GPC5: variants seen among roughly 807,000 people sequenced by gnomAD.
The protein encoded by GPC5 is glypican 5, also known as glypican-5.
In GPC5, 47 loss-of-function variants were observed where a neutral mutation model predicts 53.9. The observed-to-expected ratio is 0.87, with a 90% CI of 0.69 to 1.11. The LOEUF (loss-of-function observed/expected upper bound fraction) is 1.11, where lower values mean the gene tolerates loss of function less well. Ranked by LOEUF, GPC5 falls within the 50% of genes most tolerant of loss-of-function variation. The pLI, the probability that GPC5 is intolerant of heterozygous loss-of-function variation, is 0.00. For synonymous variants in GPC5, 286 were observed against 263.3 expected (o/e 1.09, Z -0.84); for missense variants, 748 against 713.1 (o/e 1.05, Z -0.56).
intron 2 of GPC5, among the ~76,000 whole-genome samples, chr13:91,478,610 AT>A (rs1216481417): frequency 6.6e-6 from 1 of 150,964 alleles, no homozygotes; most frequent in Non-Finnish European, 1.5e-5. Flanking sequence ...ATACAGATAT[AT>A]TTTTATTAAA....
intron 7 of GPC5, among the ~76,000 whole-genome samples, chr13:92,692,742 C>T (rs150412737): frequency 2.2e-3 from 241 of 107,222 alleles, no homozygotes; most frequent in African/African-American, 7.5e-3. Context: ...CAAAGCCTCA[C>T]CAATATCGGC....
At chr13:92,428,020 C>T (rs1288388080) in intron 7 of GPC5, among the ~76,000 whole-genome samples, 2 of 152,068 alleles carry the variant, frequency 1.3e-5, no homozygotes, top group Non-Finnish European at 2.9e-5. Context: ...TTTCCACTTG[C>T]ATGTTTTATT....
intron 7 of GPC5, among the ~76,000 whole-genome samples, chr13:92,406,491 G>T (rs1438417190): frequency 6.6e-6 from 1 of 152,126 alleles, no homozygotes; most frequent in Non-Finnish European, 1.5e-5. Context: ...CTGGGAAAAA[G>T]ACACCGAGTC....
chr13:92,557,387 C>T (rs947069367), intron 7 of GPC5, among the ~76,000 whole-genome samples: 5 of 151,990 alleles, frequency 3.3e-5, no homozygotes, highest in East Asian at 1.9e-4. Flanking sequence ...TAAGATCAAA[C>T]TTTGTATAAC....
intron 2 of GPC5, among the ~76,000 whole-genome samples, chr13:91,590,586 C>T (rs550308695): frequency 1.3e-5 from 2 of 152,228 alleles, no homozygotes; most frequent in East Asian, 1.9e-4. Flanking sequence ...TAATAGTCCT[C>T]TGAAGTAAAA....
chr13:92,808,159 C>A (rs1877168197), intron 7 of GPC5, among the ~76,000 whole-genome samples: 1 of 151,988 alleles, frequency 6.6e-6, no homozygotes, highest in South Asian at 2.1e-4. Context: ...CAAAACATTT[C>A]TAGACATGTG....
intron 6 of GPC5, among the ~76,000 whole-genome samples, chr13:91,971,057 G>T (rs1267028450): frequency 1.3e-5 from 2 of 152,148 alleles, no homozygotes; most frequent in Admixed American, 6.6e-5. Context: ...GCTCCTCCTT[G>T]TACCTCTGGT....
chr13:92,849,719 A>G (rs938697456), intron 7 of GPC5, among the ~76,000 whole-genome samples: 1 of 152,260 alleles, frequency 6.6e-6, no homozygotes, highest in Admixed American at 6.5e-5. Context: ...AGAAAAGTCT[A>G]AATGAAAGAA....
At chr13:92,200,425 A>G (rs1455023997) in intron 7 of GPC5, among the ~76,000 whole-genome samples, 4 of 152,204 alleles carry the variant, frequency 2.6e-5, no homozygotes, top group Non-Finnish European at 5.9e-5. Context: ...TTTTGGTGGT[A>G]AATGCAAGAC....
chr13:91,419,531 A>C lies in GPC5; in HGVS notation c.163+20322A>C, dbSNP rs1878460696. The stretch of plus-strand genomic sequence containing the variant: ...ATTATTAGAAAGAGAAAGGAACAAG[A>C]AAATTTTCATGGATTTTTCTAAAAT... On this transcript the variant is annotated intron_variant, in intron 1 of 7. Transcript: ENST00000377067. 2.0e-5 allele frequency among the ~76,000 whole-genome samples: 3 copies of C among 152,196 alleles called. No individual in the cohort carries two copies. The South Asian group carries it at 6.2e-4, about 32-fold the overall frequency.
intron 7 of GPC5, among the ~76,000 whole-genome samples, chr13:92,156,577 T>TA (rs946822682): frequency 1.3e-5 from 2 of 152,146 alleles, no homozygotes; most frequent in African/African-American, 4.8e-5. Context: ...TTGTTTTATT[T>TA]AATTGGCAAA....
At chr13:92,568,445 C>T (rs1229258874) in intron 7 of GPC5, among the ~76,000 whole-genome samples, 1 of 152,068 alleles carries the variant, frequency 6.6e-6, no homozygotes, top group East Asian at 1.9e-4. Context: ...TTTATTTATC[C>T]ACTGTCAGTA....
At chr13:92,659,183 C>T (rs905866786) in intron 7 of GPC5, 4 of 151,782 alleles carry the variant, frequency 2.6e-5, no homozygotes, top group Admixed American at 2.6e-4. Flanking sequence ...CCGCCTCGGC[C>T]TCCCAAAGTG....
chr13:91,811,229 C>G (rs916075116), intron 5 of GPC5, among the ~76,000 whole-genome samples: 2 of 151,884 alleles, frequency 1.3e-5, no homozygotes, highest in African/African-American at 4.8e-5. Flanking sequence ...TAGAATTTGA[C>G]CTAAAGACAT....
intron 7 of GPC5, among the ~76,000 whole-genome samples, chr13:92,786,146 C>CTT (rs1322741721): frequency 6.6e-6 from 1 of 152,048 alleles, no homozygotes; most frequent in African/African-American, 2.4e-5. Flanking sequence ...CACACAAAAT[C>CTT]TTTATATTGC....
chr13:92,487,544 T>C (rs1052725521), intron 7 of GPC5, among the ~76,000 whole-genome samples: 1 of 152,184 alleles, frequency 6.6e-6, no homozygotes, highest in Non-Finnish European at 1.5e-5. Flanking sequence ...CAAAGAAGCC[T>C]CAATATATTT....
intron 7 of GPC5, among the ~76,000 whole-genome samples, chr13:92,481,056 G>C (rs540783547): frequency 3.9e-5 from 6 of 152,160 alleles, no homozygotes; most frequent in Non-Finnish European, 5.9e-5. Flanking sequence ...TTCTACTTCA[G>C]GCTTCTGACC....
chr13:91,767,562 C>T lies in GPC5; in HGVS notation c.1280+11142C>T, dbSNP rs76012848. On this transcript the variant is annotated intron_variant, in intron 5 of 7. Transcript: ENST00000377067. ...GGGTGACACGGCAATTTCAACGCTG[C>T]TACAATTCTAGTCATCTCCCTTTAT... Among the ~76,000 whole-genome samples the T allele has an allele frequency of 2.2e-3, 334 of 152,228 alleles. 2 individuals are homozygous for T. The highest frequency in any genetic ancestry group is 7.5e-3 in the African/African-American group (313 of 41,528).
intron 2 of GPC5, among the ~76,000 whole-genome samples, chr13:91,458,344 T>G (rs1199615285): frequency 1.3e-5 from 2 of 152,088 alleles, no homozygotes; most frequent in East Asian, 3.9e-4. Context: ...TAGGTGTGAT[T>G]TGATTGTAAA....
Sources: allele counts gnomAD v4.1 joint callset (sites outside exome capture counted in the v4.1 genomes callset), GRCh38; gene constraint gnomAD v4.1.1; transcripts MANE v1.5; gene names NCBI Gene and HGNC (gene_info 2026-07-23, HGNC 2026-07-21).